The following CHN2 variants were observed in gnomAD, a reference collection of about 807,000 sequenced individuals.
CHN2 encodes the protein chimerin 2.
CHN2 carries 35 observed loss-of-function variants against 56.3 expected under a neutral mutation model. That is an observed-to-expected ratio of 0.62 (90% CI 0.47 to 0.82). The LOEUF (loss-of-function observed/expected upper bound fraction) is 0.82, where lower values mean the gene tolerates loss of function less well. CHN2 is among the 40% of genes least tolerant of loss of function. CHN2 has a pLI of 0.00. For missense variants in CHN2, 491 were observed against 580.5 expected, an observed-to-expected ratio of 0.85 and a Z score of 1.58; for synonymous variants, 210 against 212.8, an observed-to-expected ratio of 0.99 and a Z score of 0.12.
intron 1 of CHN2, among the ~76,000 whole-genome samples, chr7:29,349,520 T>C (rs1397816500): frequency 6.6e-6 from 1 of 152,184 alleles, no homozygotes; most frequent in Non-Finnish European, 1.5e-5. Flanking sequence ...ACTAAATCTA[T>C]GATAATTATT....
intron 1 of CHN2, among the ~76,000 whole-genome samples, chr7:29,334,333 A>G (rs1208278306): frequency 6.6e-6 from 1 of 152,048 alleles, no homozygotes; most frequent in Non-Finnish European, 1.5e-5. Flanking sequence ...GCCTAAATTC[A>G]ATTTCATAGT....
At chr7:29,263,322 A>G (rs1296671197) in intron 1 of CHN2, among the ~76,000 whole-genome samples, 1 of 151,994 alleles carries the variant, frequency 6.6e-6, no homozygotes, top group Non-Finnish European at 1.5e-5. Flanking sequence ...AGTCTCGCTC[A>G]CTCAGTGCTC....
chr7:29,239,179 G>T (rs1260779444), intron 1 of CHN2, among the ~76,000 whole-genome samples: 2 of 152,204 alleles, frequency 1.3e-5, no homozygotes, highest in Non-Finnish European at 2.9e-5. Flanking sequence ...CCAGAGTGAT[G>T]GCAGTGGGAG....
Position 29,314,092 on chromosome 7 carries a change from A to G in CHN2, c.50-40533A>G, listed in dbSNP as rs150177608. On this transcript the variant is annotated intron_variant, in intron 1 of 12. Coordinates refer to ENST00000222792, the MANE Select transcript of CHN2 (RefSeq NM_004067.4). Reference sequence around the variant, plus strand: ...TAATTAAAGGCAAAATTTCCAAGAGATATTTGTACACCATGCTACAGTAGC... The same window carrying G: ...TAATTAAAGGCAAAATTTCCAAGAGGTATTTGTACACCATGCTACAGTAGC... 8.0e-3 allele frequency among the ~76,000 whole-genome samples: 1,223 copies of G among 152,336 alleles called. 15 individuals are homozygous for G. The highest frequency in any genetic ancestry group is 0.028 in the African/African-American group (1,160 of 41,560).
chr7:29,324,999 T>C (rs899528119), intron 1 of CHN2, among the ~76,000 whole-genome samples: 2 of 152,162 alleles, frequency 1.3e-5, no homozygotes, highest in African/African-American at 2.4e-5. Context: ...TTTGCTGAAG[T>C]CCCCCTTGTC....
At chr7:29,450,317 T>G (rs1051766624) in intron 6 of CHN2, among the ~76,000 whole-genome samples, 2 of 152,212 alleles carry the variant, frequency 1.3e-5, no homozygotes, top group African/African-American at 4.8e-5. Context: ...ACTGTGACCT[T>G]ACCTTGGCAA....
intron 12 of CHN2, 43 bp downstream of exon 12, chr7:29,509,449 G>T (rs1791011685): frequency 6.7e-7 from 1 of 1,490,828 alleles, no homozygotes; most frequent in Admixed American, 1.7e-5. Flanking sequence ...TGCTCCTAGA[G>T]CGGTTAATGC....
At chr7:29,146,605 A>G (rs985757203) in exon 1 of CHN2, 8 of 1,550,366 alleles carry the variant, frequency 5.2e-6, no homozygotes, top group African/African-American at 1.4e-5. Flanking sequence ...CCACAGGGCA[A>G]AAAGTGCGTC....
At chr7:29,506,735 G>A (rs140982154) in intron 10 of CHN2, among the ~76,000 whole-genome samples, 56 of 152,212 alleles carry the variant, frequency 3.7e-4, no homozygotes, top group African/African-American at 1.2e-3. Flanking sequence ...AGGGAGGAAG[G>A]ATCAAGTTAA....
intron 1 of CHN2, among the ~76,000 whole-genome samples, chr7:29,273,118 A>C (rs150323690): frequency 6.6e-6 from 1 of 150,542 alleles, no homozygotes; most frequent in South Asian, 2.1e-4. Context: ...TCTCTCCCCC[A>C]CCCTTTACCG....
chr7:29,424,646 A>AT (rs1172025878), intron 6 of CHN2, among the ~76,000 whole-genome samples: 2 of 152,192 alleles, frequency 1.3e-5, no homozygotes, highest in Admixed American at 1.3e-4. Flanking sequence ...TTTTAAAAAT[A>AT]TTTTTAATTT....
chr7:29,422,451 C>G (rs745520840), intron 6 of CHN2, among the ~76,000 whole-genome samples: 14 of 152,162 alleles, frequency 9.2e-5, no homozygotes, highest in Non-Finnish European at 1.9e-4. Context: ...TGATCAAGGT[C>G]AAATTTTAAA....
At chr7:29,300,001 A>G (rs3793301) in intron 1 of CHN2, among the ~76,000 whole-genome samples, 50,961 of 152,046 alleles carry the variant, frequency 0.34, 8,850 homozygotes, top group African/African-American at 0.4. Context: ...AGGGGCCCAG[A>G]GTACTGAGTG....
intron 1 of CHN2, among the ~76,000 whole-genome samples, chr7:29,295,657 C>T (rs748119483): frequency 1.3e-4 from 20 of 152,150 alleles, no homozygotes; most frequent in Non-Finnish European, 2.8e-4. Context: ...GTGTTTTCTA[C>T]CAATGTTTTC....
chr7:29,197,354 C>T (rs1052677912), intron 1 of CHN2, among the ~76,000 whole-genome samples: 5 of 152,168 alleles, frequency 3.3e-5, no homozygotes, highest in African/African-American at 1.2e-4. Context: ...GCTTCATCAC[C>T]GACCAGCTGG....
At chr7:29,397,391 T>G (rs1430260043) in intron 4 of CHN2, 1 of 152,228 alleles carries the variant, frequency 6.6e-6, no homozygotes, top group East Asian at 1.9e-4. Flanking sequence ...AGTAAAGGTG[T>G]TTTTCTCTGT....
intron 1 of CHN2, among the ~76,000 whole-genome samples, chr7:29,267,914 C>G (rs1197205287): frequency 6.6e-6 from 1 of 152,146 alleles, no homozygotes; most frequent in Non-Finnish European, 1.5e-5. Context: ...TAACAGTAAT[C>G]AGGTTTTATA....
chr7:29,377,228 T>A (rs976031017), intron 3 of CHN2, among the ~76,000 whole-genome samples: 3 of 152,208 alleles, frequency 2.0e-5, no homozygotes, highest in Non-Finnish European at 4.4e-5. Context: ...TTCACCATGT[T>A]GGCCAGGCTG....
At chr7:29,487,623 C>T (rs1181886928) in intron 7 of CHN2, among the ~76,000 whole-genome samples, 1 of 151,932 alleles carries the variant, frequency 6.6e-6, no homozygotes, top group African/African-American at 2.4e-5. Flanking sequence ...ATACCTGGAG[C>T]CAGTTTCTCC....
Sources: gnomAD v4.1 joint callset for allele counts (sites outside exome capture counted in the v4.1 genomes callset) on GRCh38, gnomAD v4.1.1 for gene constraint, MANE v1.5 for transcripts, NCBI Gene and HGNC (gene_info 2026-07-23, HGNC 2026-07-21) for gene names.